The following CRACR2A variants were observed in gnomAD, a reference collection of about 807,000 sequenced individuals.
CRACR2A encodes the protein calcium release activated channel regulator 2A, also known as EF-hand calcium-binding domain-containing protein 4B.
A neutral mutation model predicts 90.5 loss-of-function variants in CRACR2A; 79 were observed. The ratio of observed to expected loss-of-function variants is 0.87; its 90% CI spans 0.73 to 1.05. The LOEUF (loss-of-function observed/expected upper bound fraction) is 1.05, where lower values mean the gene tolerates loss of function less well. CRACR2A is among the 50% of genes least tolerant of loss of function. The pLI is 0.00. For missense variants in CRACR2A, 823 were observed against 897.2 expected, an observed-to-expected ratio of 0.92 and a Z score of 1.06; for synonymous variants, 338 against 356.7, an observed-to-expected ratio of 0.95 and a Z score of 0.59.
intron 15 of CRACR2A, among the ~76,000 whole-genome samples, chr12:3,631,906 T>C (rs947593374): frequency 3.3e-5 from 5 of 152,026 alleles, no homozygotes; most frequent in African/African-American, 4.8e-5. Flanking sequence ...CAGCCAAAGG[T>C]TGAAGATGGT....
chr12:3,640,794 C>A (rs1196927667), intron 13 of CRACR2A: 1 of 1,305,030 alleles, frequency 7.7e-7, no homozygotes, highest in Admixed American at 2.3e-5. Flanking sequence ...GTGGACACAG[C>A]ACATGCCAAA....
intron 7 of CRACR2A, among the ~76,000 whole-genome samples, chr12:3,662,992 C>T (rs566942410): frequency 6.6e-6 from 1 of 152,194 alleles, no homozygotes; most frequent in Non-Finnish European, 1.5e-5. Context: ...GAAGATTTTG[C>T]CATCTATTCC....
chr12:3,688,934 C>T (rs988732901), intron 4 of CRACR2A, among the ~76,000 whole-genome samples: 1 of 151,898 alleles, frequency 6.6e-6, no homozygotes, highest in East Asian at 1.9e-4. Context: ...AGCTGTATTC[C>T]TTAGCTGTAT....
rs567849907 is a variant in CRACR2A, at chr12:3,746,998, C to T, written c.-387+6017G>A. ...ACCTGACATGGATCAACAGGTAACT[C>T]CTGTATTCTCACTTGAATGAAGAGA... On this transcript the variant is annotated intron_variant, in intron 1 of 19. Coordinates refer to ENST00000440314, the MANE Select transcript of CRACR2A (RefSeq NM_001144958.2). This position sits in a 1 kb window ranked among gnomAD's most constrained non-coding sequence, Gnocchi z 4.4. Among the ~76,000 whole-genome samples the T allele has an allele frequency of 6.6e-6, 1 of 152,330 alleles. No homozygotes were observed. The highest frequency in any genetic ancestry group is 2.4e-5 in the African/African-American group (1 of 41,574).
intron 2 of CRACR2A, among the ~76,000 whole-genome samples, chr12:3,720,331 GAAAA>G (rs1260813099): frequency 4.8e-4 from 61 of 125,934 alleles, no homozygotes; most frequent in African/African-American, 1.7e-3. Flanking sequence ...GAGACAGAAA[GAAAA>G]GAAAGAAAGA....
chr12:3,720,456 A>G (rs1306641220), intron 2 of CRACR2A, among the ~76,000 whole-genome samples: 1 of 150,432 alleles, frequency 6.6e-6, no homozygotes, highest in Non-Finnish European at 1.5e-5. Flanking sequence ...AGAAAGAAAG[A>G]AAGAAAGAAA....
intron 17 of CRACR2A, among the ~76,000 whole-genome samples, chr12:3,619,984 C>T (rs146764128): frequency 7.2e-5 from 11 of 152,360 alleles, no homozygotes; most frequent in East Asian, 3.9e-4. Context: ...TGTCACTGGG[C>T]GCTTTGGCTC....
intron 2 of CRACR2A, among the ~76,000 whole-genome samples, chr12:3,723,534 A>T (rs562233706): frequency 7.2e-5 from 11 of 152,124 alleles, no homozygotes; most frequent in African/African-American, 2.6e-4. Context: ...ACTCAGTGGC[A>T]CAGAGAGATG....
chr12:3,656,389 T>G lies in CRACR2A; in HGVS notation c.780A>C (p.Gln260His). ...TCTGCTCCAGCTCTTGACTGCGGGCTTGAAACCTCTCTGTGTCCTGCCAAG... is the reference window on the plus strand; with the variant it reads ...TCTGCTCCAGCTCTTGACTGCGGGCGTGAAACCTCTCTGTGTCCTGCCAAG... ...QFLLKDTERF[Q>H]ARSQELEQKL... The change falls in exon 9 of 20, where the codon CAA (glutamine) becomes CAC (histidine). Residue 260 changes from glutamine (Q) to histidine (H), a missense_variant. Coordinates refer to ENST00000440314, the MANE Select transcript of CRACR2A (RefSeq NM_001144958.2). The G allele has an allele frequency of 6.2e-7, 1 of 1,614,090 alleles. No individual in the cohort carries two copies. The highest frequency in any genetic ancestry group is 8.5e-7 in the Non-Finnish European group (1 of 1,180,014).
intron 10 of CRACR2A, among the ~76,000 whole-genome samples, chr12:3,650,714 C>A (rs1286430521): frequency 6.6e-6 from 1 of 152,130 alleles, no homozygotes; most frequent in African/African-American, 2.4e-5. Flanking sequence ...AAATCATTCA[C>A]CAGGGACTTA....
rs1378037750 is a variant in CRACR2A, at chr12:3,632,165, T to C, written c.1735+1439A>G. 2.0e-5 allele frequency among the ~76,000 whole-genome samples: 3 copies of C among 152,202 alleles called. No individual in the cohort carries two copies. In the East Asian group the frequency reaches 5.8e-4, roughly 29 times the overall value. ...TTGTAGTACCTCCCCTGTCCTCTCT[T>C]CCTCCTGCTCTGGCCATGTAAGATG... On this transcript the variant is annotated intron_variant, in intron 15 of 19. Transcript: ENST00000440314.
intron 1 of CRACR2A, among the ~76,000 whole-genome samples, chr12:3,750,933 C>G (rs140044199): frequency 1.4e-4 from 21 of 152,342 alleles, no homozygotes; most frequent in African/African-American, 5.0e-4. Flanking sequence ...AATCACCCCC[C>G]ACACCTGGGG....
intron 1 of CRACR2A, among the ~76,000 whole-genome samples, chr12:3,737,188 C>T (rs534485533): frequency 2.0e-4 from 30 of 152,222 alleles, no homozygotes; most frequent in African/African-American, 6.5e-4. Flanking sequence ...GTTGGGTCCA[C>T]GGGGTGAATA....
rs1379468259 is a variant in CRACR2A at position 3,633,248 on chromosome 12, G to A, written c.1735+356C>T. 6.6e-6 allele frequency among the ~76,000 whole-genome samples: 1 copy of A among 152,080 alleles called. No homozygotes were observed. Among genetic ancestry groups the A allele is most frequent in the Non-Finnish European group, 1.5e-5 (1 of 68,010 alleles). ...GTTCAGGGGGAGCAGGAAGACCCAGGACCCTGCTGACAGTGGGGAGGAGTG... is the reference window on the plus strand; with the variant it reads ...GTTCAGGGGGAGCAGGAAGACCCAGAACCCTGCTGACAGTGGGGAGGAGTG... On this transcript the variant is annotated intron_variant, in intron 15 of 19. Coordinates refer to ENST00000440314, the MANE Select transcript of CRACR2A (RefSeq NM_001144958.2). This position sits in a 1 kb window ranked among gnomAD's most constrained non-coding sequence, Gnocchi z 4.5.
chr12:3,663,291 G>A (rs572395066), intron 7 of CRACR2A, among the ~76,000 whole-genome samples: 1 of 151,892 alleles, frequency 6.6e-6, no homozygotes, highest in East Asian at 1.9e-4. Context: ...TTCAGATTTG[G>A]AAGGTTTGTC....
chr12:3,666,364 T>TGTGTGTGTGTGTGTGCGC (rs765943563), intron 7 of CRACR2A, among the ~76,000 whole-genome samples: 12 of 149,598 alleles, frequency 8.0e-5, no homozygotes, highest in Admixed American at 2.6e-4. Context: ...TGCGTGCGTG[T>TGTGTGTGTGTGTGTGCGC]GCGCGTGCGC....
chr12:3,709,702 G>A (rs961832197), intron 3 of CRACR2A, among the ~76,000 whole-genome samples: 1 of 152,222 alleles, frequency 6.6e-6, no homozygotes, highest in African/African-American at 2.4e-5. Flanking sequence ...GCTTGAACCC[G>A]GGAGGTGGAA....
chr12:3,685,434 C>T (rs1852363064), intron 4 of CRACR2A, among the ~76,000 whole-genome samples: 1 of 152,228 alleles, frequency 6.6e-6, no homozygotes, highest in African/African-American at 2.4e-5. Flanking sequence ...ATTTGCCCAT[C>T]CATGTCCATA....
intron 4 of CRACR2A, 143 bp from the exon 5 acceptor site, chr12:3,680,492 C>A (rs1945428025): frequency 1.6e-6 from 1 of 637,834 alleles, no homozygotes; most frequent in Admixed American, 2.5e-5. Context: ...TGCATCCAGA[C>A]TGCTTCACCA....
Sources: gnomAD v4.1 joint callset for allele counts (sites outside exome capture counted in the v4.1 genomes callset) on GRCh38, gnomAD v4.1.1 for gene constraint, Gnocchi (gnomAD v3.1) non-coding constraint, MANE v1.5 for transcripts, NCBI Gene and HGNC (gene_info 2026-07-23, HGNC 2026-07-21) for gene names.